The following ANKRD13C variants were observed in gnomAD, a reference collection of about 807,000 sequenced individuals.
The protein encoded by ANKRD13C is ankyrin repeat domain-containing protein 13C.
In ANKRD13C, 16 loss-of-function variants were observed where a neutral mutation model predicts 65.5. The observed-to-expected ratio is 0.24, with a 90% CI of 0.17 to 0.37. The LOEUF (loss-of-function observed/expected upper bound fraction) is 0.37, where lower values mean the gene tolerates loss of function less well. ANKRD13C is among the 10% of genes least tolerant of loss of function. The pLI, the probability that ANKRD13C is intolerant of heterozygous loss-of-function variation, is 1.00. For synonymous variants in ANKRD13C, 235 were observed against 238.7 expected (o/e 0.98, Z 0.14); for missense variants, 503 against 655.9 (o/e 0.77, Z 2.55).
At chr1:70,291,527 A>T (rs867992587) in intron 9 of ANKRD13C, among the ~76,000 whole-genome samples, 23 of 152,208 alleles carry the variant, frequency 1.5e-4, no homozygotes, top group Non-Finnish European at 2.8e-4. Context: ...ACTGTCACAC[A>T]ATTCTTTGCA....
chr1:70,306,336 G>T, intron 5 of ANKRD13C, 46 bp from the exon 6 acceptor site: 1 of 1,270,800 alleles, frequency 7.9e-7, no homozygotes, highest in South Asian at 1.6e-5. Context: ...CCTAAATTTT[G>T]AGATATTTAC....
intron 7 of ANKRD13C, 131 bp from the exon 8 acceptor site, chr1:70,296,392 G>T: frequency 1.1e-6 from 1 of 872,622 alleles, no homozygotes; most frequent in Admixed American, 2.9e-5. Flanking sequence ...TAAATAATGT[G>T]AAGTGTTACT....
At chr1:70,342,182 G>A (rs921419141) in intron 1 of ANKRD13C, among the ~76,000 whole-genome samples, 3 of 152,010 alleles carry the variant, frequency 2.0e-5, no homozygotes, top group Non-Finnish European at 4.4e-5. Flanking sequence ...TCCAAGTGAA[G>A]ACAAATACAA....
At chr1:70,281,135 T>C (rs1679368610) in intron 9 of ANKRD13C, among the ~76,000 whole-genome samples, 1 of 152,032 alleles carries the variant, frequency 6.6e-6, no homozygotes, top group African/African-American at 2.4e-5. Context: ...TTTATCCAAG[T>C]AGAGGTAGGC....
chr1:70,270,717 G>C, intron 12 of ANKRD13C, 139 bp downstream of exon 12: 1 of 605,778 alleles, frequency 1.7e-6, no homozygotes, highest in Non-Finnish European at 3.0e-6. Flanking sequence ...ATCTCCTGCT[G>C]TGCACCCCAC....
At chr1:70,300,512 T>G (rs892054028) in intron 7 of ANKRD13C, among the ~76,000 whole-genome samples, 2 of 151,886 alleles carry the variant, frequency 1.3e-5, no homozygotes, top group Non-Finnish European at 2.9e-5. Flanking sequence ...TGCTTGAACC[T>G]GGGAGGCGGA....
intron 12 of ANKRD13C, among the ~76,000 whole-genome samples, chr1:70,265,844 A>G (rs1315766175): frequency 2.0e-5 from 3 of 149,082 alleles, no homozygotes; most frequent in African/African-American, 5.0e-5. Flanking sequence ...AAAAAAAAAA[A>G]AAAAAAAGAA....
At chr1:70,298,958 C>T (rs12119491) in intron 7 of ANKRD13C, among the ~76,000 whole-genome samples, 5,722 of 152,126 alleles carry the variant, frequency 0.038, 151 homozygotes, top group Non-Finnish European at 0.058. Flanking sequence ...TGTACTGATG[C>T]TGTATTAGAT....
intron 9 of ANKRD13C, among the ~76,000 whole-genome samples, chr1:70,283,521 GA>G (rs200281653): frequency 2.0e-5 from 3 of 151,030 alleles, no homozygotes; most frequent in Non-Finnish European, 3.0e-5. Context: ...TTTAAATAAA[GA>G]AAAAAAAATC....
Position 70,259,556 on chromosome 1 carries a change from G to A in ANKRD13C, c.*3161C>T, listed in dbSNP as rs999681405. Among the ~76,000 whole-genome samples, 3 of 152,118 alleles carry A rather than the reference G, an allele frequency of 2.0e-5. No homozygotes were observed. Among genetic ancestry groups the A allele is most frequent in the Non-Finnish European group, 4.4e-5 (3 of 68,010 alleles). On this transcript the variant is annotated 3_prime_UTR_variant, in exon 13 of 13. Transcript: ENST00000370944. The stretch of plus-strand genomic sequence containing the variant: ...TTCTTAACATGTTATGAAATTTTTA[G>A]GTGGCAACCAGAGTTAGTTACTATT...
rs539609083 is a variant in ANKRD13C at position 70,346,696 on chromosome 1, T to C, written c.430+7283A>G. 9.2e-5 allele frequency among the ~76,000 whole-genome samples: 14 copies of C among 152,348 alleles called. No individual in the cohort carries two copies. The East Asian group carries it at 1.4e-3, about 15-fold the overall frequency. On this transcript the variant is annotated intron_variant, in intron 1 of 12. Transcript: ENST00000370944. ...TGACATCAAATCCAGCATCAACTTC[T>C]ATCAGCTCTATCTTCTTATCACCCT...
In ANKRD13C at chr1:70,354,601, G is replaced by C. The variant is rs1165221739; in HGVS notation, c.-193C>G. On this transcript the variant is annotated 5_prime_UTR_variant, in exon 1 of 13. Coordinates refer to ENST00000370944, the MANE Select transcript of ANKRD13C (RefSeq NM_030816.5). ...GGCTCTCGCCTAGGCACGAAGGGAC[G>C]CGCGCTCGCTGGGGGAAGCTAGAAC... 3.0e-6 allele frequency: 4 copies of C among 1,328,910 alleles called. No individual in the cohort carries two copies. In the African/African-American group the frequency reaches 4.4e-5, roughly 15 times the overall value. 82.3% of individuals were successfully genotyped at this position (1,328,910 alleles called of 1,614,324 possible). A position where few individuals can be genotyped will look rare whatever the true frequency, so the allele number is the denominator to read the frequency against.
intron 9 of ANKRD13C, among the ~76,000 whole-genome samples, chr1:70,279,196 G>A (rs555278423): frequency 6.6e-6 from 1 of 151,992 alleles, no homozygotes; most frequent in Non-Finnish European, 1.5e-5. Context: ...GACAGAACAT[G>A]ACTCTGTCTC....
rs566421557 is a variant in ANKRD13C, at chr1:70,289,472, A to AT, written c.1215+2915dup. 1.0e-3 allele frequency among the ~76,000 whole-genome samples: 152 copies of AT among 146,630 alleles called. 1 individual carries two copies. The highest frequency in any genetic ancestry group is 9.3e-3 in the South Asian group (43 of 4,626). ...AAATTAGTTTGTTGCCCAAATTATT[A>AT]TTTTTTTTTTTTGAGACAGTCTTGC... is the stretch of plus-strand genomic sequence containing the variant. On this transcript the variant is annotated intron_variant, in intron 9 of 12. Coordinates refer to ENST00000370944, the MANE Select transcript of ANKRD13C (RefSeq NM_030816.5).
intron 7 of ANKRD13C, among the ~76,000 whole-genome samples, chr1:70,299,544 G>A (rs112634998): frequency 2.0e-5 from 3 of 152,268 alleles, no homozygotes; most frequent in African/African-American, 7.2e-5. Flanking sequence ...AATTACAGTA[G>A]TGACAGTGTG....
chr1:70,336,863 C>T (rs1682060758), intron 1 of ANKRD13C, among the ~76,000 whole-genome samples: 2 of 152,146 alleles, frequency 1.3e-5, no homozygotes, highest in African/African-American at 4.8e-5. Context: ...GTTTGGACTA[C>T]ATCCTATAGT....
intron 1 of ANKRD13C, among the ~76,000 whole-genome samples, chr1:70,343,897 C>T (rs1682417435): frequency 6.6e-6 from 1 of 152,152 alleles, no homozygotes; most frequent in Non-Finnish European, 1.5e-5. Flanking sequence ...AGCCTGTATT[C>T]CCAGCAGTTT....
At chr1:70,323,663 T>G (rs1029285590) in intron 3 of ANKRD13C, among the ~76,000 whole-genome samples, 8 of 151,956 alleles carry the variant, frequency 5.3e-5, no homozygotes, top group Admixed American at 4.6e-4. Context: ...AAAAATTTTT[T>G]TTGTTTATAA....
chr1:70,290,878 A>T (rs1551389), intron 9 of ANKRD13C, among the ~76,000 whole-genome samples: 89,866 of 151,366 alleles, frequency 0.59, 26,654 homozygotes, highest in South Asian at 0.73. Context: ...ATTTAGATAC[A>T]AATTTTTTTA....
Sources: gnomAD v4.1 joint callset for allele counts (sites outside exome capture counted in the v4.1 genomes callset) on GRCh38, gnomAD v4.1.1 for gene constraint, MANE v1.5 for transcripts, NCBI Gene and HGNC (gene_info 2026-07-23, HGNC 2026-07-21) for gene names.